Variants in ZNF804B observed in about 807,000 individuals in gnomAD.
ZNF804B encodes the protein zinc finger 804B.
In ZNF804B, 80 loss-of-function variants were observed where a neutral mutation model predicts 101.4. That is an observed-to-expected ratio of 0.79 (90% CI 0.66 to 0.95). The LOEUF (loss-of-function observed/expected upper bound fraction) is 0.95. Ranked by LOEUF, ZNF804B falls within the 40% of genes least tolerant of loss-of-function variation. The probability of loss-of-function intolerance (pLI) is 0.00; values close to 1 mark genes in which losing one functional copy is unlikely to be tolerated. For synonymous variants in ZNF804B, 622 were observed against 558.8 expected (o/e 1.11, Z -1.59); for missense variants, 1,673 against 1,561.9 (o/e 1.07, Z -1.20).
chr7:89,178,354 C>G (rs1456872231), intron 1 of ZNF804B, among the ~76,000 whole-genome samples: 1 of 150,244 alleles, frequency 6.7e-6, no homozygotes, highest in Non-Finnish European at 1.5e-5. Flanking sequence ...TTTCTTCCTT[C>G]CTTCTTATAA....
intron 2 of ZNF804B, among the ~76,000 whole-genome samples, chr7:89,302,888 C>A (rs918007615): frequency 1.3e-5 from 2 of 151,872 alleles, no homozygotes; most frequent in African/African-American, 2.4e-5. Context: ...ATTGGTTTTA[C>A]CATTGCTCAC....
At chr7:89,325,490 A>G (rs879714469) in intron 2 of ZNF804B, among the ~76,000 whole-genome samples, 8 of 152,062 alleles carry the variant, frequency 5.3e-5, no homozygotes, top group Non-Finnish European at 1.2e-4. Context: ...ACTTCATAGT[A>G]AGAATAATAA....
intron 1 of ZNF804B, among the ~76,000 whole-genome samples, chr7:88,905,452 G>C (rs1198073789): frequency 2.6e-5 from 4 of 151,908 alleles, no homozygotes; most frequent in Non-Finnish European, 4.4e-5. Context: ...CGGCCTCCCT[G>C]GTTCAGGCAA....
chr7:88,980,894 C>G (rs1044416520), intron 1 of ZNF804B, among the ~76,000 whole-genome samples: 4 of 152,054 alleles, frequency 2.6e-5, no homozygotes, highest in African/African-American at 9.7e-5. Context: ...TTGTCCTTCC[C>G]TTCAGACCAG....
chr7:89,337,797 G>C lies in ZNF804B; in HGVS notation c.*765G>C, dbSNP rs748884149. ...GATAATGCAAACTCAAAAATAAAACGTGCTCAGAATAACCTTTTAAATATA... is the reference window on the plus strand; with the variant it reads ...GATAATGCAAACTCAAAAATAAAACCTGCTCAGAATAACCTTTTAAATATA... On this transcript the variant is annotated 3_prime_UTR_variant, in exon 4 of 4. Transcript: ENST00000333190. Among the ~76,000 whole-genome samples, 3 of 151,816 alleles carry C rather than the reference G, an allele frequency of 2.0e-5. No homozygotes were observed. The highest frequency in any genetic ancestry group is 4.4e-5 in the Non-Finnish European group (3 of 67,868).
intron 1 of ZNF804B, among the ~76,000 whole-genome samples, chr7:89,019,837 T>C (rs925081471): frequency 4.6e-5 from 7 of 152,204 alleles, no homozygotes; most frequent in Admixed American, 3.9e-4. Context: ...CTTCACTTTA[T>C]ATGTTTCTAT....
rs1012043593 is a variant in ZNF804B, at chr7:89,240,804, C to G, written c.249+22509C>G. 1.8e-4 allele frequency among the ~76,000 whole-genome samples: 28 copies of G among 152,042 alleles called. 1 individual carries two copies. Among genetic ancestry groups the G allele is most frequent in the Non-Finnish European group, 4.0e-4 (27 of 67,986 alleles). On this transcript the variant is annotated intron_variant, in intron 2 of 3. Coordinates refer to ENST00000333190, the MANE Select transcript of ZNF804B (RefSeq NM_181646.5). ...GTACTTAAAATTTTCCTATTTCATT[C>G]TATTTTATAATTGCTTTACCCACTG... is the stretch of plus-strand genomic sequence containing the variant.
intron 1 of ZNF804B, among the ~76,000 whole-genome samples, chr7:89,091,459 A>G (rs1193129746): frequency 1.3e-5 from 2 of 152,124 alleles, no homozygotes; most frequent in African/African-American, 4.8e-5. Flanking sequence ...CTTTGAATGA[A>G]TACTGGAATT....
intron 1 of ZNF804B, among the ~76,000 whole-genome samples, chr7:88,918,509 C>A (rs1792669975): frequency 6.6e-6 from 1 of 152,030 alleles, no homozygotes; most frequent in African/African-American, 2.4e-5. Context: ...TAATTTTAAA[C>A]ATTTGTAGAA....
At chr7:89,257,816 T>C (rs1789656694) in intron 2 of ZNF804B, among the ~76,000 whole-genome samples, 1 of 152,158 alleles carries the variant, frequency 6.6e-6, no homozygotes, top group East Asian at 1.9e-4. Flanking sequence ...CTTGTGTTCC[T>C]ATGTACTCTA....
chr7:88,898,073 CTTTTTTTTTTT>C (rs869050718), intron 1 of ZNF804B, among the ~76,000 whole-genome samples: 4 of 56,572 alleles, frequency 7.1e-5, no homozygotes, highest in Non-Finnish European at 1.2e-4. Context: ...ACTTCTCCAT[CTTTTTTTTTTT>C]TTTTTTTTTT....
At chr7:88,877,874 A>C (rs187895264) in intron 1 of ZNF804B, among the ~76,000 whole-genome samples, 12 of 152,266 alleles carry the variant, frequency 7.9e-5, no homozygotes, top group African/African-American at 2.9e-4. Flanking sequence ...GTGTGATAAT[A>C]TGTTACTCGT....
chr7:88,853,119 T>C (rs1791470250), intron 1 of ZNF804B, among the ~76,000 whole-genome samples: 2 of 152,134 alleles, frequency 1.3e-5, no homozygotes, highest in African/African-American at 4.8e-5. Context: ...TTTTTATCCA[T>C]ATTCTGTGAA....
chr7:89,220,002 T>TACACATATATGTGTGTATACGTATATAC (rs1491540820), intron 2 of ZNF804B, among the ~76,000 whole-genome samples: 8 of 27,590 alleles, frequency 2.9e-4, no homozygotes, highest in Admixed American at 6.5e-4. Flanking sequence ...TATATGTATA[T>TACACATATATGTGTGTATACGTATATAC]GCACATATAT....
rs1314722361 is a variant in ZNF804B at position 88,759,725 on chromosome 7, G to C, written c.-252G>C. On this transcript the variant is annotated 5_prime_UTR_variant, in exon 1 of 4. Coordinates refer to ENST00000333190, the MANE Select transcript of ZNF804B (RefSeq NM_181646.5). ...AGCCACCTCGTCAGAGCAGCATGTG[G>C]ACTGGCTCGCCGGGTCCCCTCCGTG... The C allele has an allele frequency of 1.9e-6, 1 of 527,702 alleles. No individual in the cohort carries two copies. The highest frequency in any genetic ancestry group is 3.4e-6 in the Non-Finnish European group (1 of 292,346). 32.7% of individuals were successfully genotyped at this position (527,702 alleles called of 1,614,324 possible). A position where few individuals can be genotyped will look rare whatever the true frequency, so the allele number is the denominator to read the frequency against.
chr7:88,762,987 A>G (rs1562787069), intron 1 of ZNF804B, among the ~76,000 whole-genome samples: 1 of 152,114 alleles, frequency 6.6e-6, no homozygotes, highest in African/African-American at 2.4e-5. Flanking sequence ...GGTTAAGACT[A>G]CTTTCTACCT....
intron 1 of ZNF804B, among the ~76,000 whole-genome samples, chr7:89,002,310 C>T (rs1160134090): frequency 1.3e-5 from 2 of 151,766 alleles, no homozygotes; most frequent in African/African-American, 2.4e-5. Context: ...TTTATTGATA[C>T]TCACATTGAA....
intron 1 of ZNF804B, among the ~76,000 whole-genome samples, chr7:89,186,203 T>G (rs2115598599): frequency 6.6e-6 from 1 of 152,096 alleles, no homozygotes; most frequent in South Asian, 2.1e-4. Context: ...AAGAAAGTAT[T>G]TATAAAACAA....
At chr7:89,086,943 G>A (rs1357061042) in intron 1 of ZNF804B, among the ~76,000 whole-genome samples, 2 of 151,406 alleles carry the variant, frequency 1.3e-5, no homozygotes, top group African/African-American at 2.4e-5. Context: ...TAACAAACCT[G>A]CACGTTGTGC....
Sources: allele counts gnomAD v4.1 joint callset (sites outside exome capture counted in the v4.1 genomes callset), GRCh38; gene constraint gnomAD v4.1.1; transcripts MANE v1.5; gene names NCBI Gene and HGNC (gene_info 2026-07-23, HGNC 2026-07-21).